KDM4C: variants seen among roughly 807,000 people sequenced by gnomAD.
KDM4C encodes the protein lysine-specific demethylase 4C.
In KDM4C, 81 loss-of-function variants were observed where a neutral mutation model predicts 129.3. That is an observed-to-expected ratio of 0.63 (90% confidence interval 0.52 to 0.75). The LOEUF is 0.75. Ranked by LOEUF, KDM4C falls within the 30% of genes least tolerant of loss-of-function variation. The probability of loss-of-function intolerance (pLI) is 0.00; values close to 1 mark genes in which losing one functional copy is unlikely to be tolerated. For missense variants in KDM4C, 1,457 were observed against 1,304.0 expected (o/e 1.12, Z -1.81); for synonymous variants, 573 against 456.1 (o/e 1.26, Z -3.26).
intron 5 of KDM4C, among the ~76,000 whole-genome samples, chr9:6,856,524 A>G (rs529376016): frequency 1.3e-4 from 19 of 146,006 alleles, no homozygotes; most frequent in Admixed American, 6.2e-4. Flanking sequence ...TTTTAGGCAT[A>G]TCTCTCTCTG....
chr9:6,946,355 G>T (rs760967893), intron 8 of KDM4C, among the ~76,000 whole-genome samples: 1 of 151,848 alleles, frequency 6.6e-6, no homozygotes, highest in Admixed American at 6.6e-5. Flanking sequence ...TTTACTTTTT[G>T]TTCCTACCTA....
At chr9:6,927,462 T>C (rs1010457136) in intron 8 of KDM4C, among the ~76,000 whole-genome samples, 1 of 152,184 alleles carries the variant, frequency 6.6e-6, no homozygotes, top group Admixed American at 6.5e-5. Flanking sequence ...ATATAGTAAC[T>C]GTAGCTTCTA....
At chr9:7,066,909 A>T (rs1163082018) in intron 17 of KDM4C, among the ~76,000 whole-genome samples, 1 of 152,246 alleles carries the variant, frequency 6.6e-6, no homozygotes, top group East Asian at 1.9e-4. Context: ...CAATTCATAA[A>T]TATTTTTTGT....
chr9:7,170,926 A>G (rs962748914), intron 21 of KDM4C: 1 of 223,014 alleles, frequency 4.5e-6, no homozygotes, highest in African/African-American at 2.4e-5. Context: ...ACTAAAAAAA[A>G]AAAAAAAAAA....
intron 2 of KDM4C, among the ~76,000 whole-genome samples, chr9:6,799,090 C>T (rs1011910003): frequency 2.0e-5 from 3 of 151,550 alleles, no homozygotes; most frequent in African/African-American, 7.3e-5. Context: ...ACTGGGCATC[C>T]AGGCAGAGGG....
intron 17 of KDM4C, among the ~76,000 whole-genome samples, chr9:7,078,208 G>A (rs1380990045): frequency 6.6e-6 from 1 of 152,108 alleles, no homozygotes; most frequent in South Asian, 2.1e-4. Context: ...ACATGCTGTG[G>A]TGTAATTTGC....
intron 1 of KDM4C, among the ~76,000 whole-genome samples, chr9:6,779,486 G>T (rs566341997): frequency 6.6e-6 from 1 of 152,170 alleles, no homozygotes; most frequent in African/African-American, 2.4e-5. Context: ...AATTTGGTGT[G>T]TTCGTGAAAC....
chr9:6,784,975 A>T (rs1825160505), intron 1 of KDM4C, among the ~76,000 whole-genome samples: 1 of 152,194 alleles, frequency 6.6e-6, no homozygotes, highest in Non-Finnish European at 1.5e-5. Flanking sequence ...GAGTATTAGG[A>T]GCTTTGCTGT....
chr9:6,801,063 TTA>T (rs1444005541), intron 2 of KDM4C, among the ~76,000 whole-genome samples: 3 of 152,096 alleles, frequency 2.0e-5, no homozygotes. Context: ...CAACTCTCAC[TTA>T]TAAGCTGTAT....
Position 7,034,345 on chromosome 9 carries a change from C to G in KDM4C, c.2260-12517C>G, listed in dbSNP as rs373839156. ...TAATTTTTTATCTTTTAACACATCT[C>G]TCCCAATTCCTCCTTTCTGTCTATC... is the stretch of plus-strand genomic sequence containing the variant. On this transcript the variant is annotated intron_variant, in intron 15 of 21. Transcript: ENST00000381309. Among the ~76,000 whole-genome samples the G allele has an allele frequency of 3.3e-4, 51 of 152,282 alleles. 1 individual carries two copies. The South Asian group carries it at 0.01, about 31-fold the overall frequency.
chr9:6,989,717 C>A (rs1391173784), intron 11 of KDM4C, among the ~76,000 whole-genome samples: 2 of 152,078 alleles, frequency 1.3e-5, no homozygotes, highest in African/African-American at 4.8e-5. Context: ...AACATGGGAA[C>A]ATCTTAGAGG....
intron 17 of KDM4C, among the ~76,000 whole-genome samples, chr9:7,078,386 G>C (rs1017268751): frequency 6.6e-6 from 1 of 151,420 alleles, no homozygotes; most frequent in East Asian, 1.9e-4. Flanking sequence ...ATTGTTCCTA[G>C]GTTTCCTTTT....
chr9:6,739,751 C>T (rs1315321619), intron 1 of KDM4C, among the ~76,000 whole-genome samples: 1 of 151,632 alleles, frequency 6.6e-6, no homozygotes, highest in Non-Finnish European at 1.5e-5. Flanking sequence ...AATCCCAGCA[C>T]TTTGGGAGAC....
At chr9:6,843,531 T>C (rs1225556539) in intron 4 of KDM4C, among the ~76,000 whole-genome samples, 1 of 152,216 alleles carries the variant, frequency 6.6e-6, no homozygotes, top group Non-Finnish European at 1.5e-5. Flanking sequence ...ACTGGACTTT[T>C]CCTGTGGTCC....
At chr9:6,801,671 C>A (rs62567985) in intron 2 of KDM4C, among the ~76,000 whole-genome samples, 20,041 of 151,778 alleles carry the variant, frequency 0.13, 1,685 homozygotes, top group African/African-American at 0.23. Context: ...GTATATGCCT[C>A]CATATACACA....
intron 12 of KDM4C, among the ~76,000 whole-genome samples, chr9:7,001,100 G>C (rs536974179): frequency 6.6e-6 from 1 of 152,202 alleles, no homozygotes; most frequent in Non-Finnish European, 1.5e-5. Context: ...TTTTCATAGA[G>C]TTGTTTTAGT....
intron 1 of KDM4C, among the ~76,000 whole-genome samples, chr9:6,750,204 G>A (rs1235124162): frequency 3.9e-5 from 6 of 151,914 alleles, no homozygotes; most frequent in Non-Finnish European, 2.9e-5. Context: ...ACTTTGGGAG[G>A]CTGAGGTGGG....
chr9:7,110,077 G>T (rs939084332), intron 18 of KDM4C, among the ~76,000 whole-genome samples: 1 of 152,164 alleles, frequency 6.6e-6, no homozygotes, highest in African/African-American at 2.4e-5. Context: ...AGTCTCAGGC[G>T]GTTCTTTATA....
At chr9:7,017,024 C>G (rs1823824367) in intron 15 of KDM4C, among the ~76,000 whole-genome samples, 1 of 152,124 alleles carries the variant, frequency 6.6e-6, no homozygotes, top group South Asian at 2.1e-4. Context: ...CAGTCTCGAA[C>G]TCCTGGGCTC....
Sources: allele counts gnomAD v4.1 joint callset (sites outside exome capture counted in the v4.1 genomes callset), GRCh38; gene constraint gnomAD v4.1.1; transcripts MANE v1.5; gene names NCBI Gene and HGNC (gene_info 2026-07-23, HGNC 2026-07-21).